KCNJ6: variants seen among roughly 807,000 people sequenced by gnomAD.
KCNJ6 encodes the protein G protein-activated inward rectifier potassium channel 2.
Under a neutral mutation model 34.2 loss-of-function variants are expected in KCNJ6, and 9 were observed. The ratio of observed to expected loss-of-function variants is 0.26; its 90% confidence interval spans 0.16 to 0.46. The LOEUF is 0.46. KCNJ6 is among the 20% of genes least tolerant of loss of function. The probability of loss-of-function intolerance (pLI) is 1.00; values close to 1 mark genes in which losing one functional copy is unlikely to be tolerated. For synonymous variants in KCNJ6, 196 were observed against 207.1 expected (o/e 0.95, Z 0.46); for missense variants, 236 against 531.3 (o/e 0.44, Z 5.46).
intron 1 of KCNJ6, among the ~76,000 whole-genome samples, chr21:37,863,029 G>C (rs551716704): frequency 2.5e-3 from 375 of 152,342 alleles, no homozygotes; most frequent in African/African-American, 8.2e-3. Context: ...GACAATCATG[G>C]AGAGCATAGA....
chr21:37,712,383 G>T (rs1011107900), intron 3 of KCNJ6, among the ~76,000 whole-genome samples: 3 of 151,992 alleles, frequency 2.0e-5, no homozygotes, highest in African/African-American at 7.3e-5. Context: ...TGAGGTTGGG[G>T]AAGTTTCTGG....
chr21:37,763,509 G>A (rs955693488), intron 2 of KCNJ6, among the ~76,000 whole-genome samples: 2 of 152,126 alleles, frequency 1.3e-5, no homozygotes, highest in Non-Finnish European at 2.9e-5. Flanking sequence ...ATGAAGTCCT[G>A]TAGGGCCTGC....
chr21:37,799,119 A>C (rs1479234820), intron 2 of KCNJ6, among the ~76,000 whole-genome samples: 2 of 152,036 alleles, frequency 1.3e-5, no homozygotes, highest in Admixed American at 1.3e-4. Context: ...TCCCCTCTAC[A>C]TGTCCATGCA....
Position 37,620,454 on chromosome 21 carries a change from CTTCTT to C in KCNJ6, c.*4700_*4704del, listed in dbSNP as rs969200508. 1 of 151,852 alleles carries C rather than the reference CTTCTT, an allele frequency of 6.6e-6. No homozygotes were observed. The highest frequency in any genetic ancestry group is 1.5e-5 in the Non-Finnish European group (1 of 67,992). The allele number at this position is 151,852 out of a possible 1,614,324, so 9.4% of individuals were successfully genotyped here. A position where few individuals can be genotyped will look rare whatever the true frequency, so the allele number is the denominator to read the frequency against. On this transcript the variant is annotated 3_prime_UTR_variant, in exon 4 of 4. Coordinates refer to ENST00000609713, the MANE Select transcript of KCNJ6 (RefSeq NM_002240.5). ...TGATTTTCACATGTCTCAAAATATT[CTTCTT>C]TTCTTTTTTTTCCCCCAATTATTAA...
At position 37,784,813 on chromosome 21, in the gene KCNJ6, G is replaced by C. The variant is rs868095219; in HGVS notation, c.25+55845C>G. On this transcript the variant is annotated intron_variant, in intron 2 of 3. Coordinates refer to ENST00000609713, the MANE Select transcript of KCNJ6 (RefSeq NM_002240.5). ...AGCACCCCGGTTTCTCCATCTGCTT[G>C]TTATGACTTGTCTCTTAGAAATGCT... is the stretch of plus-strand genomic sequence containing the variant. Among the ~76,000 whole-genome samples the C allele has an allele frequency of 5.3e-5, 8 of 152,254 alleles. No individual in the cohort carries two copies. The South Asian group carries it at 1.7e-3, about 32-fold the overall frequency.
chr21:37,887,969 T>G (rs182378776), intron 1 of KCNJ6, among the ~76,000 whole-genome samples: 2 of 152,350 alleles, frequency 1.3e-5, no homozygotes, highest in Admixed American at 6.5e-5. Flanking sequence ...CCTGAGGCAG[T>G]CAGCCAGGCT....
intron 2 of KCNJ6, among the ~76,000 whole-genome samples, chr21:37,729,148 C>A (rs1176494656): frequency 6.6e-6 from 1 of 152,132 alleles, no homozygotes; most frequent in Non-Finnish European, 1.5e-5. Flanking sequence ...AGCTTGGGGA[C>A]CCCACAATGT....
At chr21:37,841,007 G>A (rs1249884810) in intron 1 of KCNJ6, among the ~76,000 whole-genome samples, 1 of 152,066 alleles carries the variant, frequency 6.6e-6, no homozygotes, top group Admixed American at 6.5e-5. Flanking sequence ...TTTGACACTG[G>A]ATTTTTGACA....
chr21:37,746,964 T>G (rs2054970543), intron 2 of KCNJ6, among the ~76,000 whole-genome samples: 2 of 152,192 alleles, frequency 1.3e-5, no homozygotes, highest in Admixed American at 1.3e-4. Flanking sequence ...TTCGCTGATA[T>G]TTTTGCTGAC....
chr21:37,719,643 G>A (rs968228374), intron 2 of KCNJ6: 1 of 152,208 alleles, frequency 6.6e-6, no homozygotes, highest in African/African-American at 2.4e-5. Flanking sequence ...ATGTGGGCCT[G>A]TGTGAAGGTC....
At chr21:37,734,145 C>T (rs1466987196) in intron 2 of KCNJ6, among the ~76,000 whole-genome samples, 2 of 152,214 alleles carry the variant, frequency 1.3e-5, no homozygotes, top group African/African-American at 4.8e-5. Flanking sequence ...GAAATCTTTA[C>T]AGTAGATGTG....
At chr21:37,880,397 C>T (rs929837974) in intron 1 of KCNJ6, among the ~76,000 whole-genome samples, 1 of 152,220 alleles carries the variant, frequency 6.6e-6, no homozygotes, top group Non-Finnish European at 1.5e-5. Flanking sequence ...CTCAGACTCT[C>T]GCATCTACAA....
In KCNJ6 at chr21:37,714,652, T is replaced by G; in HGVS notation, c.505A>C (p.Ile169Leu). ...AACACAGATTGGATTAAGAGAAGAA[T>G]AATTCCCTCTGGGCATTTATCTGTG... ...VITDKCPEGI[I>L]LLLIQSVLGS... The change falls in exon 3 of 4, where the codon ATT (isoleucine) becomes CTT (leucine). Residue 169 changes from isoleucine (I) to leucine (L), a missense_variant. By Grantham distance (5) the Ile-to-Leu change is conservative (BLOSUM62 2). Transcript: ENST00000609713. This position sits in a 1 kb window ranked among gnomAD's most constrained non-coding sequence, Gnocchi z 5.9. 6.2e-7 allele frequency: 1 copy of G among 1,614,110 alleles called. No individual in the cohort carries two copies. The highest frequency in any genetic ancestry group is 8.5e-7 in the Non-Finnish European group (1 of 1,180,004).
chr21:37,808,463 T>C (rs1192012653), intron 2 of KCNJ6, among the ~76,000 whole-genome samples: 1 of 152,208 alleles, frequency 6.6e-6, no homozygotes, highest in Non-Finnish European at 1.5e-5. Flanking sequence ...CTCTCAGAAA[T>C]GCACAAAGAT....
chr21:37,786,246 A>G (rs142426183), intron 2 of KCNJ6, among the ~76,000 whole-genome samples: 1 of 152,206 alleles, frequency 6.6e-6, no homozygotes, highest in African/African-American at 2.4e-5. Flanking sequence ...TACTTAAACT[A>G]GAAATATGAG....
chr21:37,807,835 T>C (rs187313935), intron 2 of KCNJ6, among the ~76,000 whole-genome samples: 89 of 152,340 alleles, frequency 5.8e-4, no homozygotes, highest in African/African-American at 1.8e-3. Flanking sequence ...GGAGACATGG[T>C]TGTGCCTTGG....
At chr21:37,889,543 G>T (rs1455934905) in intron 1 of KCNJ6, among the ~76,000 whole-genome samples, 1 of 152,120 alleles carries the variant, frequency 6.6e-6, no homozygotes, top group Admixed American at 6.5e-5. Flanking sequence ...CTAGAGGGCT[G>T]CCATGACAAA....
chr21:37,912,153 A>G lies in KCNJ6; in HGVS notation c.-28+3731T>C, dbSNP rs569205861. 1.5e-3 allele frequency among the ~76,000 whole-genome samples: 228 copies of G among 152,244 alleles called. 3 individuals carry two copies. Among genetic ancestry groups the G allele is most frequent in the African/African-American group, 5.2e-3 (215 of 41,572 alleles). On this transcript the variant is annotated intron_variant, in intron 1 of 3. Transcript: ENST00000609713. ...AATACCTAGAAGAGGTATCAAAATG[A>G]TTTTTTAAAATAGCAAAATGGAACC...
chr21:37,682,106 G>A (rs982879837), intron 3 of KCNJ6, among the ~76,000 whole-genome samples: 1 of 152,156 alleles, frequency 6.6e-6, no homozygotes, highest in Non-Finnish European at 1.5e-5. Flanking sequence ...GGGGTGGCTC[G>A]CAAGGATGGT....
Sources: gnomAD v4.1 joint callset for allele counts (sites outside exome capture counted in the v4.1 genomes callset) on GRCh38, gnomAD v4.1.1 for gene constraint, Gnocchi (gnomAD v3.1) non-coding constraint, MANE v1.5 for transcripts, NCBI Gene and HGNC (gene_info 2026-07-23, HGNC 2026-07-21) for gene names.